CCDC7: variants seen among roughly 807,000 people sequenced by gnomAD.
The protein encoded by CCDC7 is coiled-coil domain containing 7.
Under a neutral mutation model 196.9 loss-of-function variants are expected in CCDC7, and 183 were observed. That is an observed-to-expected ratio of 0.93 (90% CI 0.82 to 1.05). CCDC7 has a LOEUF of 1.05. CCDC7 is among the 50% of genes least tolerant of loss of function. The probability of loss-of-function intolerance (pLI) is 0.00; values close to 1 mark genes in which losing one functional copy is unlikely to be tolerated. For synonymous variants in CCDC7, 525 were observed against 484.6 expected (o/e 1.08, Z -1.10); for missense variants, 1,540 against 1,482.2 (o/e 1.04, Z -0.64).
intron 16 of CCDC7, among the ~76,000 whole-genome samples, chr10:32,577,415 A>G (rs548884885): frequency 6.6e-6 from 1 of 152,278 alleles, no homozygotes; most frequent in African/African-American, 2.4e-5. Context: ...CAGTGTAACT[A>G]GGCTCATTAC....
intron 1 of CCDC7, 40 bp from the exon 3 acceptor site, chr10:32,453,304 C>T (rs773473653): frequency 3.6e-5 from 47 of 1,317,692 alleles, no homozygotes; most frequent in Non-Finnish European, 4.5e-5. Flanking sequence ...TAATTTTAAA[C>T]TATTAAAGTA....
intron 40 of CCDC7, among the ~76,000 whole-genome samples, chr10:32,853,334 T>C (rs959114941): frequency 6.6e-6 from 1 of 152,134 alleles, no homozygotes; most frequent in African/African-American, 2.4e-5. Flanking sequence ...CTCTTATGGA[T>C]TGAATGAAAA....
upstream of CCDC7, among the ~76,000 whole-genome samples, chr10:32,444,136 C>CTT (rs761501093): frequency 0.37 from 56,164 of 151,550 alleles, 11,842 homozygotes; most frequent in Non-Finnish European, 0.49. Context: ...ACTGAATAGA[C>CTT]ATAGTGAGAG....
chr10:32,616,182 A>G (rs1271728186), intron 18 of CCDC7, among the ~76,000 whole-genome samples: 2 of 151,820 alleles, frequency 1.3e-5, no homozygotes, highest in Non-Finnish European at 2.9e-5. Context: ...GGATTATTTT[A>G]TCGAATTCTA....
chr10:32,713,995 A>G (rs2081223441), intron 25 of CCDC7, among the ~76,000 whole-genome samples: 1 of 152,226 alleles, frequency 6.6e-6, no homozygotes, highest in Non-Finnish European at 1.5e-5. Flanking sequence ...CTCACTGTGC[A>G]ACCAAGGGAC....
intron 21 of CCDC7, among the ~76,000 whole-genome samples, chr10:32,671,525 T>G (rs2074057244): frequency 6.6e-6 from 1 of 152,186 alleles, no homozygotes; most frequent in African/African-American, 2.4e-5. Context: ...TTTTTCTAAC[T>G]TGTCTGATCC....
At chr10:32,798,618 C>A (rs955895039) in intron 29 of CCDC7, among the ~76,000 whole-genome samples, 1 of 152,250 alleles carries the variant, frequency 6.6e-6, no homozygotes, top group Non-Finnish European at 1.5e-5. Flanking sequence ...CAATTTTTCA[C>A]TCATGCTTCT....
At chr10:32,500,438 C>T (rs2043781136) in intron 9 of CCDC7, among the ~76,000 whole-genome samples, 1 of 151,528 alleles carries the variant, frequency 6.6e-6, no homozygotes, top group Admixed American at 6.6e-5. Flanking sequence ...GCGCTCTTCA[C>T]ATCTCGGAGG....
intron 13 of CCDC7, among the ~76,000 whole-genome samples, chr10:32,548,511 A>G (rs1396196047): frequency 6.6e-6 from 1 of 152,178 alleles, no homozygotes; most frequent in Non-Finnish European, 1.5e-5. Flanking sequence ...GAAGAAGTTA[A>G]ACTTTAAAAT....
chr10:32,710,167 T>G (rs997746920), intron 24 of CCDC7, among the ~76,000 whole-genome samples: 1 of 152,168 alleles, frequency 6.6e-6, no homozygotes, highest in Non-Finnish European at 1.5e-5. Flanking sequence ...AAGGTACCAC[T>G]AAGTTAGTTT....
At chr10:32,719,929 A>C (rs1308238739) in intron 25 of CCDC7, among the ~76,000 whole-genome samples, 2 of 152,188 alleles carry the variant, frequency 1.3e-5, no homozygotes, top group African/African-American at 2.4e-5. Flanking sequence ...TGGGAGTGTA[A>C]ATTAGTTCAA....
chr10:32,670,712 G>C (rs2140721483), intron 21 of CCDC7, among the ~76,000 whole-genome samples: 1 of 152,158 alleles, frequency 6.6e-6, no homozygotes, highest in East Asian at 1.9e-4. Context: ...CCCTACAAAG[G>C]ACGTGAACTC....
intron 16 of CCDC7, among the ~76,000 whole-genome samples, chr10:32,580,964 A>G (rs1411100094): frequency 6.6e-6 from 1 of 152,102 alleles, no homozygotes; most frequent in Admixed American, 6.6e-5. Context: ...ATTTTGTCTG[A>G]TTTAAGAATT....
rs1593726844 is a variant in CCDC7 at position 32,874,084 on chromosome 10, TAA to T, written c.4112-2261_4112-2260del. Among the ~76,000 whole-genome samples, 3 of 150,956 alleles carry T rather than the reference TAA, an allele frequency of 2.0e-5. No individual in the cohort carries two copies. The East Asian group carries it at 5.8e-4, about 29-fold the overall frequency. On this transcript the variant is annotated intron_variant, in intron 41 of 41. Transcript: ENST00000639629. ...CTAGTCTCAAGCATTTTGTATAACA[TAA>T]AGAGAAAACCTGTTTAGAGTAATAT...
chr10:32,521,713 C>A (rs2047907721), intron 11 of CCDC7, among the ~76,000 whole-genome samples: 1 of 151,840 alleles, frequency 6.6e-6, no homozygotes, highest in Non-Finnish European at 1.5e-5. Flanking sequence ...TCTGATTGCT[C>A]TAGTGAGAAC....
At chr10:32,714,118 CA>C (rs889757828) in intron 25 of CCDC7, among the ~76,000 whole-genome samples, 1 of 152,112 alleles carries the variant, frequency 6.6e-6, no homozygotes, top group African/African-American at 2.4e-5. Context: ...GCAAGATGGC[CA>C]AATAGGAACA....
chr10:32,817,171 C>G (rs956991881), intron 31 of CCDC7, among the ~76,000 whole-genome samples: 2 of 151,988 alleles, frequency 1.3e-5, no homozygotes, highest in African/African-American at 2.4e-5. Flanking sequence ...AACCATGGCA[C>G]GAGAAGTACG....
At chr10:32,470,947 A>G (rs146332487) in intron 5 of CCDC7, 117 bp from the exon 7 acceptor site, 4 of 978,596 alleles carry the variant, frequency 4.1e-6, no homozygotes, top group African/African-American at 3.3e-5. Flanking sequence ...GGCTATAGCT[A>G]TAGATAAGAA....
At chr10:32,663,181 C>G (rs1382319433) in intron 20 of CCDC7, among the ~76,000 whole-genome samples, 1 of 152,154 alleles carries the variant, frequency 6.6e-6, no homozygotes, top group Non-Finnish European at 1.5e-5. Context: ...ACGAGAGTAA[C>G]TCATTTAAGG....
Sources: gnomAD v4.1 joint callset for allele counts (sites outside exome capture counted in the v4.1 genomes callset) on GRCh38, gnomAD v4.1.1 for gene constraint, MANE v1.5 for transcripts, NCBI Gene and HGNC (gene_info 2026-07-23, HGNC 2026-07-21) for gene names.